Variants in RFX3 observed in about 807,000 individuals in gnomAD.
RFX3 encodes the protein transcription factor RFX3.
RFX3 carries 14 observed loss-of-function variants against 98.6 expected under a neutral mutation model. That is an observed-to-expected ratio of 0.14 (90% CI 0.09 to 0.22). RFX3 has a LOEUF of 0.22. Ranked by LOEUF, RFX3 falls within the 10% of genes least tolerant of loss-of-function variation. The pLI, the probability that RFX3 is intolerant of heterozygous loss-of-function variation, is 1.00. For missense variants in RFX3, 639 were observed against 926.9 expected (o/e 0.69, Z 4.03); for synonymous variants, 383 against 328.4 (o/e 1.17, Z -1.80).
At chr9:3,311,803 G>C (rs1205149165) in intron 4 of RFX3, among the ~76,000 whole-genome samples, 2 of 152,122 alleles carry the variant, frequency 1.3e-5, no homozygotes, top group Non-Finnish European at 2.9e-5. Context: ...ACAATCGCTT[G>C]AATCTGGGAG....
chr9:3,477,654 G>A (rs745429878), intron 1 of RFX3, among the ~76,000 whole-genome samples: 12 of 152,094 alleles, frequency 7.9e-5, no homozygotes, highest in Non-Finnish European at 5.9e-5. Flanking sequence ...ATTCAACTTG[G>A]ATTACAGTGA....
At chr9:3,359,015 T>G (rs538848528) in intron 2 of RFX3, among the ~76,000 whole-genome samples, 1 of 151,676 alleles carries the variant, frequency 6.6e-6, no homozygotes, top group South Asian at 2.1e-4. Flanking sequence ...AAGGTGAGAT[T>G]TGAGTAGGGA....
At chr9:3,505,105 A>G (rs1201677498) in intron 1 of RFX3, among the ~76,000 whole-genome samples, 10 of 97,476 alleles carry the variant, frequency 1.0e-4, no homozygotes, top group Non-Finnish European at 1.8e-4. Context: ...ATTTAGATTT[A>G]TTTTATATTT....
intron 15 of RFX3, among the ~76,000 whole-genome samples, chr9:3,240,655 TA>T (rs1195923996): frequency 6.6e-6 from 1 of 152,202 alleles, no homozygotes; most frequent in Non-Finnish European, 1.5e-5. Flanking sequence ...TATGGTAGTA[TA>T]TTTTATACAA....
At chr9:3,279,544 A>C (rs1036294689) in intron 7 of RFX3, among the ~76,000 whole-genome samples, 2 of 151,852 alleles carry the variant, frequency 1.3e-5, no homozygotes, top group African/African-American at 4.8e-5. Flanking sequence ...TTGTCCTACA[A>C]AGCATTTAAC....
At chr9:3,363,732 T>A (rs752233956) in intron 2 of RFX3, among the ~76,000 whole-genome samples, 7 of 152,214 alleles carry the variant, frequency 4.6e-5, no homozygotes, top group East Asian at 1.9e-4. Flanking sequence ...AAAGACATGG[T>A]GTCAGCTGGC....
intron 1 of RFX3, among the ~76,000 whole-genome samples, chr9:3,484,147 A>T (rs552030502): frequency 4.8e-4 from 73 of 152,342 alleles, no homozygotes; most frequent in African/African-American, 1.7e-3. Flanking sequence ...CAGGTTTTTC[A>T]GCCAAATTAG....
chr9:3,320,125 C>G (rs1831088517), intron 4 of RFX3, among the ~76,000 whole-genome samples: 1 of 152,040 alleles, frequency 6.6e-6, no homozygotes, highest in African/African-American at 2.4e-5. Flanking sequence ...GGGAATATGA[C>G]CAAATAGATA....
chr9:3,392,793 C>G (rs1276244902), intron 2 of RFX3, among the ~76,000 whole-genome samples: 1 of 151,950 alleles, frequency 6.6e-6, no homozygotes, highest in South Asian at 2.1e-4. Context: ...TTGTCCATGG[C>G]AATCCTGCAA....
chr9:3,480,672 C>T (rs771439096), intron 1 of RFX3, among the ~76,000 whole-genome samples: 3 of 152,148 alleles, frequency 2.0e-5, no homozygotes, highest in Non-Finnish European at 2.9e-5. Flanking sequence ...AGTCAATCTA[C>T]GTTCACCAGG....
intron 1 of RFX3, among the ~76,000 whole-genome samples, chr9:3,521,453 G>T (rs1818702667): frequency 6.6e-6 from 1 of 152,016 alleles, no homozygotes; most frequent in Non-Finnish European, 1.5e-5. Context: ...TTAAATAAAA[G>T]TTCTAGTGAG....
intron 7 of RFX3, among the ~76,000 whole-genome samples, chr9:3,277,794 T>C (rs1003783470): frequency 6.6e-6 from 1 of 151,988 alleles, no homozygotes; most frequent in Non-Finnish European, 1.5e-5. Context: ...AAAGTAACTT[T>C]TAATGGTCAA....
chr9:3,312,826 C>T (rs1171013751), intron 4 of RFX3, among the ~76,000 whole-genome samples: 13 of 152,176 alleles, frequency 8.5e-5, no homozygotes, highest in South Asian at 2.1e-4. Flanking sequence ...GAGGGGCGTC[C>T]GCCATTGCTT....
intron 2 of RFX3, among the ~76,000 whole-genome samples, chr9:3,380,192 G>T (rs916335648): frequency 6.6e-6 from 1 of 152,124 alleles, no homozygotes; most frequent in Non-Finnish European, 1.5e-5. Flanking sequence ...CTCCCAAAGT[G>T]CTGGGATTAC....
At chr9:3,240,196 C>T (rs1819733885) in intron 15 of RFX3, among the ~76,000 whole-genome samples, 1 of 152,154 alleles carries the variant, frequency 6.6e-6, no homozygotes, top group Non-Finnish European at 1.5e-5. Flanking sequence ...GTTATCAAGA[C>T]ATATTTGTCA....
At chr9:3,486,862 C>A (rs1303832074) in intron 1 of RFX3, among the ~76,000 whole-genome samples, 2 of 152,102 alleles carry the variant, frequency 1.3e-5, no homozygotes, top group Non-Finnish European at 2.9e-5. Flanking sequence ...TAAGTAATTT[C>A]ATAGACTGTT....
At chr9:3,494,673 T>C (rs1182442092) in intron 1 of RFX3, among the ~76,000 whole-genome samples, 6 of 152,200 alleles carry the variant, frequency 3.9e-5, no homozygotes, top group Admixed American at 3.9e-4. Context: ...TCTATGTTAA[T>C]GTTTTTAAAT....
chr9:3,516,409 C>G (rs904869670), intron 1 of RFX3, among the ~76,000 whole-genome samples: 1 of 152,124 alleles, frequency 6.6e-6, no homozygotes, highest in African/African-American at 2.4e-5. Context: ...GACTATTTTT[C>G]TGCTACCAAA....
At chr9:3,333,004 T>C (rs189427592) in intron 3 of RFX3, among the ~76,000 whole-genome samples, 67 of 152,312 alleles carry the variant, frequency 4.4e-4, no homozygotes, top group Non-Finnish European at 7.2e-4. Flanking sequence ...CCAACATCCT[T>C]TGAATTCCTG....
Sources: allele counts gnomAD v4.1 joint callset (sites outside exome capture counted in the v4.1 genomes callset), GRCh38; gene constraint gnomAD v4.1.1; transcripts MANE v1.5; gene names NCBI Gene and HGNC (gene_info 2026-07-23, HGNC 2026-07-21).